The following EXT2 variants were observed in gnomAD, a reference collection of about 807,000 sequenced individuals.
EXT2 encodes exostosin glycosyltransferase 2, also known as exostosin-2.
Under a neutral mutation model 81.6 loss-of-function variants are expected in EXT2, and 53 were observed. That is an observed-to-expected ratio of 0.65 (90% CI 0.52 to 0.82). EXT2 has a LOEUF of 0.82. Ranked by LOEUF, EXT2 falls within the 40% of genes least tolerant of loss-of-function variation. The pLI is 0.00. For missense variants in EXT2, 774 were observed against 910.2 expected (o/e 0.85, Z 1.93); for synonymous variants, 320 against 340.0 (o/e 0.94, Z 0.65).
chr11:44,209,263 CT>C (rs1323049997), intron 10 of EXT2, among the ~76,000 whole-genome samples: 1 of 151,620 alleles, frequency 6.6e-6, no homozygotes, highest in Non-Finnish European at 1.5e-5. Flanking sequence ...TGTTTGTTGC[CT>C]TTTTTTTCCT....
intron 10 of EXT2, among the ~76,000 whole-genome samples, chr11:44,218,505 TG>T (rs1955744822): frequency 6.6e-6 from 1 of 152,040 alleles, no homozygotes; most frequent in South Asian, 2.1e-4. Flanking sequence ...GAGAAGTATA[TG>T]GTAAAAGCCA....
rs1311117952 is a variant in EXT2, at chr11:44,172,286, G to A, written c.1305+544G>A. On this transcript the variant is annotated intron_variant, in intron 8 of 13. Coordinates refer to ENST00000533608, the MANE Select transcript of EXT2 (RefSeq NM_207122.2). ...TCTAGCTACTTCCAGCAAAGAGATGGAGCAGTCAGAAGCTGCTCTTGGGCC... is the reference window on the plus strand; with the variant it reads ...TCTAGCTACTTCCAGCAAAGAGATGAAGCAGTCAGAAGCTGCTCTTGGGCC... 3.3e-5 allele frequency among the ~76,000 whole-genome samples: 5 copies of A among 152,174 alleles called. No homozygotes were observed. In the East Asian group the frequency reaches 9.7e-4, roughly 29 times the overall value.
intron 10 of EXT2, among the ~76,000 whole-genome samples, chr11:44,227,077 T>C (rs1955845523): frequency 6.6e-6 from 1 of 152,146 alleles, no homozygotes; most frequent in Non-Finnish European, 1.5e-5. Flanking sequence ...CACTTCAGAG[T>C]GGCTTTTCTC....
At chr11:44,145,909 G>C (rs547379233) in intron 7 of EXT2, among the ~76,000 whole-genome samples, 13 of 152,316 alleles carry the variant, frequency 8.5e-5, no homozygotes, top group Non-Finnish European at 1.8e-4. Flanking sequence ...CAACATTTTT[G>C]AAGGAAGAGG....
chr11:44,180,163 T>A (rs1359471288), intron 8 of EXT2, among the ~76,000 whole-genome samples: 1 of 152,238 alleles, frequency 6.6e-6, no homozygotes, highest in Non-Finnish European at 1.5e-5. Flanking sequence ...TTTTCTCTGA[T>A]ACTTTCTTCC....
intron 8 of EXT2, among the ~76,000 whole-genome samples, chr11:44,185,341 C>T (rs1342186379): frequency 2.0e-5 from 3 of 152,206 alleles, no homozygotes; most frequent in African/African-American, 7.2e-5. Context: ...TTATCTTTTC[C>T]AGTGACCTCA....
At chr11:44,213,323 A>T (rs1564979060) in intron 10 of EXT2, among the ~76,000 whole-genome samples, 1 of 152,204 alleles carries the variant, frequency 6.6e-6, no homozygotes, top group East Asian at 1.9e-4. Flanking sequence ...CAATACTCAG[A>T]ATGTTCCAAA....
At chr11:44,163,467 G>C (rs1954953702) in intron 7 of EXT2, among the ~76,000 whole-genome samples, 1 of 152,232 alleles carries the variant, frequency 6.6e-6, no homozygotes, top group South Asian at 2.1e-4. Flanking sequence ...GCACCAAAGA[G>C]CCTGTTGGAC....
At chr11:44,243,668 A>T (rs1956063716) in intron 13 of EXT2, among the ~76,000 whole-genome samples, 1 of 131,092 alleles carries the variant, frequency 7.6e-6, no homozygotes, top group Admixed American at 8.8e-5. Flanking sequence ...TGTGAGCAAG[A>T]TCTCTCCTCT....
chr11:44,164,999 C>G (rs1288257750), intron 7 of EXT2, among the ~76,000 whole-genome samples: 4 of 151,764 alleles, frequency 2.6e-5, no homozygotes, highest in African/African-American at 9.7e-5. Context: ...CTGCCTCAGC[C>G]TCCCAAGTAG....
At chr11:44,106,742 G>C (rs139098716) in intron 1 of EXT2, among the ~76,000 whole-genome samples, 1,783 of 152,238 alleles carry the variant, frequency 0.012, 35 homozygotes, top group African/African-American at 0.041. Context: ...CAATTCTCCT[G>C]CCTCAGCCTC....
intron 8 of EXT2, among the ~76,000 whole-genome samples, chr11:44,187,142 A>T (rs917586190): frequency 6.7e-6 from 1 of 150,264 alleles, no homozygotes; most frequent in African/African-American, 2.5e-5. Context: ...GGCTCAAGTG[A>T]TCCTCCCACC....
At chr11:44,167,880 T>A (rs1457894806) in intron 7 of EXT2, among the ~76,000 whole-genome samples, 1 of 152,112 alleles carries the variant, frequency 6.6e-6, no homozygotes, top group African/African-American at 2.4e-5. Flanking sequence ...TAGTTACATA[T>A]GTATACGTGT....
At chr11:44,140,794 T>C (rs1345518492) in intron 7 of EXT2, among the ~76,000 whole-genome samples, 1 of 152,234 alleles carries the variant, frequency 6.6e-6, no homozygotes, top group East Asian at 1.9e-4. Context: ...CCAATGGGCA[T>C]ATATATTTCT....
intron 1 of EXT2, among the ~76,000 whole-genome samples, chr11:44,098,230 T>C (rs1483282009): frequency 6.6e-6 from 1 of 152,206 alleles, no homozygotes; most frequent in Non-Finnish European, 1.5e-5. Flanking sequence ...CGGATGATGG[T>C]TTGGAGATAC....
intron 13 of EXT2, among the ~76,000 whole-genome samples, chr11:44,237,108 C>T (rs558205673): frequency 6.6e-6 from 1 of 152,272 alleles, no homozygotes; most frequent in South Asian, 2.1e-4. Flanking sequence ...CAAACTCTGA[C>T]ATCCCAGTAG....
At chr11:44,150,615 C>T (rs1954779858) in intron 7 of EXT2, among the ~76,000 whole-genome samples, 1 of 152,154 alleles carries the variant, frequency 6.6e-6, no homozygotes, top group Admixed American at 6.5e-5. Context: ...TCTGGAACAA[C>T]ACAGCTTAAA....
rs765278329 is a variant in EXT2 at position 44,153,447 on chromosome 11, A to T, written c.1174-18164A>T. ...TGTTGGATTCTCTATATAAACAATC[A>T]TGTTATCTGTGAACAAAGACAGTTT... is the stretch of plus-strand genomic sequence containing the variant. On this transcript the variant is annotated intron_variant, in intron 7 of 13. Coordinates refer to ENST00000533608, the MANE Select transcript of EXT2 (RefSeq NM_207122.2). Among the ~76,000 whole-genome samples, 5 of 152,168 alleles carry T rather than the reference A, an allele frequency of 3.3e-5. 1 individual carries two copies. Among genetic ancestry groups the T allele is most frequent in the Middle Eastern group, 6.9e-3 (2 of 288 alleles).
intron 9 of EXT2, among the ~76,000 whole-genome samples, chr11:44,205,064 G>T (rs1955566355): frequency 6.6e-6 from 1 of 152,128 alleles, no homozygotes; most frequent in African/African-American, 2.4e-5. Flanking sequence ...GTCTTTTAAT[G>T]CTAAACAGAC....
Sources: allele counts gnomAD v4.1 joint callset (sites outside exome capture counted in the v4.1 genomes callset), GRCh38; gene constraint gnomAD v4.1.1; transcripts MANE v1.5; gene names NCBI Gene and HGNC (gene_info 2026-07-23, HGNC 2026-07-21).